The following MACROD2 variants were observed in gnomAD, a reference collection of about 807,000 sequenced individuals.
MACROD2 encodes ADP-ribose glycohydrolase MACROD2.
A neutral mutation model predicts 70.4 loss-of-function variants in MACROD2; 36 were observed. That is an observed-to-expected ratio of 0.51 (90% CI 0.39 to 0.68). The LOEUF is 0.68. Among genes scored for constraint, MACROD2 ranks in the 30% least tolerant of loss-of-function variants. The pLI, the probability that MACROD2 is intolerant of heterozygous loss-of-function variation, is 0.00. For missense variants in MACROD2, 496 were observed against 538.4 expected (o/e 0.92, Z 0.78); for synonymous variants, 172 against 178.8 (o/e 0.96, Z 0.30).
chr20:14,309,237 A>G (rs2082545711), intron 3 of MACROD2, among the ~76,000 whole-genome samples: 1 of 152,196 alleles, frequency 6.6e-6, no homozygotes, highest in Admixed American at 6.5e-5. Context: ...CTCTTCAAGG[A>G]AAAAGTTTTT....
chr20:15,031,662 T>C (rs1253078242), intron 5 of MACROD2, among the ~76,000 whole-genome samples: 1 of 152,150 alleles, frequency 6.6e-6, no homozygotes, highest in African/African-American at 2.4e-5. Context: ...CAGCTGTTAG[T>C]ACCGTCTGTG....
chr20:14,375,521 G>A (rs920043174), intron 3 of MACROD2, among the ~76,000 whole-genome samples: 4 of 152,144 alleles, frequency 2.6e-5, no homozygotes, highest in African/African-American at 9.7e-5. Context: ...AGGGGAGAAC[G>A]AAGAGGTTTG....
intron 10 of MACROD2, among the ~76,000 whole-genome samples, chr20:15,918,452 G>A (rs982696224): frequency 3.9e-5 from 6 of 152,110 alleles, no homozygotes; most frequent in African/African-American, 1.4e-4. Context: ...TTTAATTGGC[G>A]TTTTATGTCA....
intron 5 of MACROD2, among the ~76,000 whole-genome samples, chr20:14,870,849 C>T (rs2073479860): frequency 6.6e-6 from 1 of 151,998 alleles, no homozygotes; most frequent in African/African-American, 2.4e-5. Flanking sequence ...GGATATTAGA[C>T]CTTTGTGAGA....
intron 4 of MACROD2, among the ~76,000 whole-genome samples, chr20:14,552,701 T>A (rs1358270361): frequency 1.3e-5 from 2 of 152,142 alleles, no homozygotes; most frequent in Non-Finnish European, 2.9e-5. Flanking sequence ...TACAGCATGT[T>A]ACTGTAGTGA....
At chr20:15,146,434 C>T (rs420651) in intron 5 of MACROD2, among the ~76,000 whole-genome samples, 89,604 of 151,918 alleles carry the variant, frequency 0.59, 26,553 homozygotes, top group East Asian at 0.65. Context: ...GTTTTACAGA[C>T]AGTAAAGAGA....
chr20:16,023,813 A>G (rs1383805714), intron 15 of MACROD2, among the ~76,000 whole-genome samples: 1 of 151,546 alleles, frequency 6.6e-6, no homozygotes, highest in African/African-American at 2.4e-5. Flanking sequence ...GGGTGGGGCG[A>G]GTAGATCTCC....
intron 3 of MACROD2, among the ~76,000 whole-genome samples, chr20:14,172,963 A>G (rs935077018): frequency 1.3e-5 from 2 of 152,222 alleles, no homozygotes; most frequent in East Asian, 3.8e-4. Context: ...GAGACTAAAG[A>G]TAGGACCCCA....
At chr20:14,736,614 G>C (rs1485293543) in intron 5 of MACROD2, among the ~76,000 whole-genome samples, 4 of 152,210 alleles carry the variant, frequency 2.6e-5, no homozygotes, top group Non-Finnish European at 4.4e-5. Flanking sequence ...CATAGATAAT[G>C]ATAACGTACT....
intron 5 of MACROD2, among the ~76,000 whole-genome samples, chr20:15,039,249 G>A (rs1180591333): frequency 6.6e-6 from 1 of 152,190 alleles, no homozygotes; most frequent in Admixed American, 6.5e-5. Flanking sequence ...AGAGAACCTA[G>A]CAAAGCTTGT....
chr20:14,395,228 T>G (rs2083568809), intron 3 of MACROD2, among the ~76,000 whole-genome samples: 2 of 152,038 alleles, frequency 1.3e-5, no homozygotes, highest in South Asian at 4.1e-4. Flanking sequence ...GATTATTGAT[T>G]ATTAGTTTGT....
intron 5 of MACROD2, among the ~76,000 whole-genome samples, chr20:15,081,283 A>G (rs570620410): frequency 2.2e-4 from 34 of 152,312 alleles, no homozygotes; most frequent in South Asian, 4.1e-4. Flanking sequence ...GTCTATAGCT[A>G]TTTTGTCATT....
chr20:15,420,607 A>T (rs1209689665), intron 6 of MACROD2, among the ~76,000 whole-genome samples: 1 of 151,750 alleles, frequency 6.6e-6, no homozygotes, highest in Non-Finnish European at 1.5e-5. Flanking sequence ...TGGGGAAAAA[A>T]ATTGAATTAT....
At chr20:14,997,763 G>A (rs1190640382) in intron 5 of MACROD2, among the ~76,000 whole-genome samples, 1 of 152,176 alleles carries the variant, frequency 6.6e-6, no homozygotes, top group African/African-American at 2.4e-5. Context: ...GCAGTAGCCA[G>A]GCAATAGTCA....
chr20:14,134,680 G>A (rs1045907464), intron 3 of MACROD2, among the ~76,000 whole-genome samples: 1 of 151,302 alleles, frequency 6.6e-6, no homozygotes, highest in Non-Finnish European at 1.5e-5. Flanking sequence ...TGGCGCGTGC[G>A]TGTAGTCCCA....
chr20:14,084,055 CCGT>C (rs2054038472), intron 2 of MACROD2, among the ~76,000 whole-genome samples: 1 of 80,198 alleles, frequency 1.2e-5, no homozygotes, highest in African/African-American at 5.3e-5. Context: ...GAGCGAGACT[CCGT>C]CTCAAAAAAA....
At chr20:14,250,780 A>AATG (rs2082006113) in intron 3 of MACROD2, among the ~76,000 whole-genome samples, 1 of 152,116 alleles carries the variant, frequency 6.6e-6, no homozygotes, top group African/African-American at 2.4e-5. Flanking sequence ...TAATAATAAT[A>AATG]ATGTCAACCT....
chr20:15,446,428 C>T (rs756373862), intron 7 of MACROD2, among the ~76,000 whole-genome samples: 7 of 152,144 alleles, frequency 4.6e-5, no homozygotes, highest in Admixed American at 2.6e-4. Context: ...AAAGCAGAGG[C>T]GTTTTGCAAC....
chr20:15,701,561 A>C (rs1188029191), intron 8 of MACROD2, among the ~76,000 whole-genome samples: 3 of 152,178 alleles, frequency 2.0e-5, no homozygotes, highest in Non-Finnish European at 2.9e-5. Context: ...TTTTCCTCTC[A>C]GTACTTTCTC....
Sources: allele counts gnomAD v4.1 joint callset (sites outside exome capture counted in the v4.1 genomes callset), GRCh38; gene constraint gnomAD v4.1.1; transcripts MANE v1.5; gene names NCBI Gene and HGNC (gene_info 2026-07-23, HGNC 2026-07-21).